The following PCDHA5 variants were observed in gnomAD, a reference collection of about 807,000 sequenced individuals.
The protein encoded by PCDHA5 is protocadherin alpha 5, also known as protocadherin alpha-5.
In PCDHA5, 43 loss-of-function variants were observed where a neutral mutation model predicts 61.6. The observed-to-expected ratio is 0.70, with a 90% CI of 0.55 to 0.90. The LOEUF is 0.90. PCDHA5 is among the 40% of genes least tolerant of loss of function. The pLI, the probability that PCDHA5 is intolerant of heterozygous loss-of-function variation, is 0.00. For missense variants in PCDHA5, 1,298 were observed against 1,222.7 expected, an observed-to-expected ratio of 1.06 and a Z score of -0.92; for synonymous variants, 627 against 543.9, an observed-to-expected ratio of 1.15 and a Z score of -2.13.
In PCDHA5 at chr5:140,853,519, C is replaced by G. The variant is rs73793503; in HGVS notation, c.2352+29392C>G. ...GAATCATGAAACAATAATGAAGCTCCTCCTATGTCTCTTTTCAAGTTGTAA... is the reference window on the plus strand; with the variant it reads ...GAATCATGAAACAATAATGAAGCTCGTCCTATGTCTCTTTTCAAGTTGTAA... On this transcript the variant is annotated intron_variant, in intron 1 of 3. Transcript: ENST00000529859. The G allele has an allele frequency of 2.2e-3, 2,124 of 976,444 alleles. 135 individuals are homozygous for G. The African/African-American group carries it at 0.036, about 16-fold the overall frequency. The allele number at this position is 976,444 out of a possible 1,614,324, so 60.5% of individuals were successfully genotyped here. A position where few individuals can be genotyped will look rare whatever the true frequency, so the allele number is the denominator to read the frequency against.
chr5:140,878,351 A>C (rs2057557275), intron 1 of PCDHA5, among the ~76,000 whole-genome samples: 1 of 152,248 alleles, frequency 6.6e-6, no homozygotes, highest in South Asian at 2.1e-4. Flanking sequence ...ACAATAATAT[A>C]AATGATATGT....
chr5:140,888,754 CT>C (rs782694187), intron 1 of PCDHA5, among the ~76,000 whole-genome samples: 16 of 148,604 alleles, frequency 1.1e-4, no homozygotes, highest in East Asian at 2.0e-4. Flanking sequence ...ATTCTACCCA[CT>C]TTTTTTTTTA....
At chr5:140,871,116 C>T (rs200344692) in intron 1 of PCDHA5, 44 of 1,613,146 alleles carry the variant, frequency 2.7e-5, no homozygotes, top group Non-Finnish European at 3.6e-5. Flanking sequence ...TGGTGGAGAG[C>T]GGACAGGCGC....
chr5:140,877,563 C>G (rs2057203422), intron 1 of PCDHA5: 2 of 1,613,774 alleles, frequency 1.2e-6, no homozygotes, highest in African/African-American at 1.3e-5. Context: ...TGGATATTAA[C>G]GTGTACCTCA....
At chr5:140,928,639 G>A in intron 1 of PCDHA5, 1 of 1,614,218 alleles carries the variant, frequency 6.2e-7, no homozygotes, top group Non-Finnish European at 8.5e-7. Context: ...GGTCACAAAA[G>A]TGGTAGCAGA....
chr5:140,941,285 T>C (rs1563188656), intron 1 of PCDHA5, among the ~76,000 whole-genome samples: 1 of 119,964 alleles, frequency 8.3e-6, no homozygotes, highest in African/African-American at 2.9e-5. Flanking sequence ...TTCCTTCCTT[T>C]CTCTTTCTTT....
In PCDHA5 at chr5:140,835,789, C is replaced by T. The variant is rs2150244748; in HGVS notation, c.2352+11662C>T. The T allele has an allele frequency of 6.8e-6, 11 of 1,612,988 alleles. No individual in the cohort carries two copies. The South Asian group carries it at 9.9e-5, about 14-fold the overall frequency. ...ACGGTGTTCGTGAAGGAGAACAACC[C>T]GCCGGGCTGCCACATCTTCACTGTG... On this transcript the variant is annotated intron_variant, in intron 1 of 3. Transcript: ENST00000529859.
At chr5:140,878,855 T>C (rs905851216) in intron 1 of PCDHA5, among the ~76,000 whole-genome samples, 3 of 152,250 alleles carry the variant, frequency 2.0e-5, no homozygotes, top group Admixed American at 6.5e-5. Context: ...TGGGTTCAAC[T>C]GATCCTCCAT....
intron 1 of PCDHA5, chr5:140,967,193 G>A (rs1190093681): frequency 6.2e-7 from 1 of 1,613,392 alleles, no homozygotes; most frequent in Non-Finnish European, 8.5e-7. Flanking sequence ...GGACATCAAC[G>A]ACAACTCACC....
intron 1 of PCDHA5, among the ~76,000 whole-genome samples, chr5:140,930,783 A>G (rs1211509868): frequency 6.6e-6 from 1 of 152,246 alleles, no homozygotes; most frequent in Non-Finnish European, 1.5e-5. Context: ...TATTTTCACA[A>G]TATAATAGAA....
At chr5:140,858,863 A>T (rs1042514918) in intron 1 of PCDHA5, 3 of 258,704 alleles carry the variant, frequency 1.2e-5, no homozygotes, top group Admixed American at 5.3e-5. Context: ...CTCTTCAGTG[A>T]AAATGTGTTT....
chr5:140,856,348 G>A (rs2043945989), intron 1 of PCDHA5: 2 of 1,598,578 alleles, frequency 1.3e-6, no homozygotes, highest in Admixed American at 1.7e-5. Context: ...GGAGCGTGGA[G>A]TGCAGCATCC....
rs201793837 is a variant in PCDHA5 at position 141,003,710 on chromosome 5, A to G, written c.2501-5917A>G. Among the ~76,000 whole-genome samples, 7 of 152,316 alleles carry G rather than the reference A, an allele frequency of 4.6e-5. No homozygotes were observed. The East Asian group carries it at 1.2e-3, about 25-fold the overall frequency. On this transcript the variant is annotated intron_variant, in intron 3 of 3. Transcript: ENST00000529859. ...AAATATATCCCTACCAATTGTGAAG[A>G]TATCGGCTAATCCAATAAAAAAGCA... is the stretch of plus-strand genomic sequence containing the variant.
At chr5:140,951,545 G>T (rs1019007635) in intron 1 of PCDHA5, among the ~76,000 whole-genome samples, 2 of 151,950 alleles carry the variant, frequency 1.3e-5, no homozygotes, top group African/African-American at 4.8e-5. Flanking sequence ...GCAAGGGACG[G>T]GGGGAAGTGC....
At position 140,938,754 on chromosome 5, in the gene PCDHA5, A is replaced by G. The variant is rs79400957; in HGVS notation, c.2353-40195A>G. Among the ~76,000 whole-genome samples the G allele has an allele frequency of 2.9e-3, 442 of 152,274 alleles. 1 individual carries two copies. Among genetic ancestry groups the G allele is most frequent in the African/African-American group, 0.01 (423 of 41,554 alleles). The stretch of plus-strand genomic sequence containing the variant: ...AAAAAATAATTATTTTTAAAGGCAT[A>G]GTTATTGGGTACTAGACTTAGTACC... On this transcript the variant is annotated intron_variant, in intron 1 of 3. Transcript: ENST00000529859.
At chr5:140,854,330 T>A in intron 1 of PCDHA5, 1 of 213,708 alleles carries the variant, frequency 4.7e-6, no homozygotes, top group Non-Finnish European at 8.0e-6. Flanking sequence ...GCAAACTTAT[T>A]TTACGCTCCA....
intron 3 of PCDHA5, among the ~76,000 whole-genome samples, chr5:140,990,800 A>C (rs1474894854): frequency 3.9e-5 from 6 of 152,216 alleles, no homozygotes; most frequent in Non-Finnish European, 2.9e-5. Context: ...CATGGAATAC[A>C]GAAGAAGCTC....
chr5:140,903,124 T>C (rs1554190771), intron 1 of PCDHA5, among the ~76,000 whole-genome samples: 1 of 152,234 alleles, frequency 6.6e-6, no homozygotes, highest in Non-Finnish European at 1.5e-5. Context: ...TCTAAATCTT[T>C]AAGAAATCTC....
At chr5:140,858,322 T>C in intron 1 of PCDHA5, 2 of 1,596,852 alleles carry the variant, frequency 1.3e-6, no homozygotes, top group South Asian at 2.2e-5. Flanking sequence ...GGGTGTGTTC[T>C]GGGGAGGGCC....
Sources: allele counts gnomAD v4.1 joint callset (sites outside exome capture counted in the v4.1 genomes callset), GRCh38; gene constraint gnomAD v4.1.1; transcripts MANE v1.5; gene names NCBI Gene and HGNC (gene_info 2026-07-23, HGNC 2026-07-21).